The following TSC2 variants were observed in gnomAD, a reference collection of about 807,000 sequenced individuals.
TSC2 encodes tuberin.
In TSC2, 29 loss-of-function variants were observed where a neutral mutation model predicts 202.2. The observed-to-expected ratio is 0.14, with a 90% CI of 0.11 to 0.20. TSC2 has a LOEUF of 0.20. Among genes scored for constraint, TSC2 ranks in the 10% least tolerant of loss-of-function variants. TSC2 has a pLI of 1.00. For synonymous variants in TSC2, 1,349 were observed against 1,044.0 expected, an observed-to-expected ratio of 1.29 and a Z score of -5.63; for missense variants, 2,429 against 2,420.0, an observed-to-expected ratio of 1.00 and a Z score of -0.08.
rs1596401171 is a variant in TSC2 at position 2,081,836 on chromosome 16, C to T, written c.3814+38C>T. ...GCGGGCCTTGGCACGGGCTCTGCTC[C>T]CACTGGCCTGGTGCTCCCGGTGACG... is the stretch of plus-strand genomic sequence containing the variant. On this transcript the variant is annotated intron_variant, in intron 31 of 41. Coordinates refer to ENST00000219476, the MANE Select transcript of TSC2 (RefSeq NM_000548.5). 5.0e-6 allele frequency: 8 copies of T among 1,606,028 alleles called. No individual in the cohort carries two copies. In the African/African-American group the frequency reaches 8.0e-5, roughly 16 times the overall value.
At chr16:2,073,919 C>G (rs2151340178) in intron 21 of TSC2, among the ~76,000 whole-genome samples, 1 of 152,402 alleles carries the variant, frequency 6.6e-6, no homozygotes, top group Non-Finnish European at 1.5e-5. Flanking sequence ...CTGCCCCTTG[C>G]AACAGAGCCA....
Position 2,083,784 on chromosome 16 carries a change from G to A in TSC2, c.3973G>A (p.Gly1325Ser), listed in dbSNP as rs2151513235. ...GTTGGAGGACGTTGAGGCAGCGCTA[G>A]GCATGGACAGGCGCACGGATGCCTA... is the stretch of plus-strand genomic sequence containing the variant. Reference protein sequence around the residue: ...PGLEDVEAALGMDRRTDAYSR... With the variant: ...PGLEDVEAALSMDRRTDAYSR... Residue 1325 changes from glycine (G) to serine (S), a missense_variant, in exon 33 of 42, where the codon GGC (glycine) becomes AGC (serine). Coordinates refer to ENST00000219476, the MANE Select transcript of TSC2 (RefSeq NM_000548.5). 6.2e-7 allele frequency: 1 copy of A among 1,611,578 alleles called. No homozygotes were observed. The highest frequency in any genetic ancestry group is 8.5e-7 in the Non-Finnish European group (1 of 1,179,628).
Position 2,050,433 on chromosome 16 carries a change from A to T in TSC2, c.172A>T (p.Ile58Phe). 2 of 1,613,698 alleles carry T rather than the reference A, an allele frequency of 1.2e-6. No homozygotes were observed. The highest frequency in any genetic ancestry group is 1.7e-6 in the Non-Finnish European group (2 of 1,179,878). ...CATGGAATGTGGCCTCAACAATCGC[A>T]TCCGGATGATAGGGCAGATTTGTGA... is the stretch of plus-strand genomic sequence containing the variant. The part of the protein sequence containing the change: ...LSMECGLNNR[I>F]RMIGQICEVA... The change falls in exon 3 of 42, where the codon ATC becomes TTC. Residue 58 changes from isoleucine to phenylalanine, a missense_variant. By Grantham distance (21) the Ile-to-Phe change is conservative. Coordinates refer to ENST00000219476, the MANE Select transcript of TSC2 (RefSeq NM_000548.5).
rs1305025066 is a variant in TSC2, at chr16:2,088,256, C to T, written c.5190C>T (p.Ser1730=). 2 of 1,595,624 alleles carry T rather than the reference C, an allele frequency of 1.3e-6. No homozygotes were observed. Among genetic ancestry groups the T allele is most frequent in the Non-Finnish European group, 1.7e-6 (2 of 1,173,512 alleles). Residue 1730 remains serine (S), a synonymous_variant, in exon 41 of 42, where the codon TCC becomes TCT. Transcript: ENST00000219476. ...NMASQVHHSR[S]NPTDIYPSKW... ...CCTCACAGGTGCATCATAGCCGCTCCAACCCCACCGATATCTACCCCTCCA... is the reference window on the plus strand; with the variant it reads ...CCTCACAGGTGCATCATAGCCGCTCTAACCCCACCGATATCTACCCCTCCA...
rs1596277822 is a variant in TSC2 at position 2,056,637 on chromosome 16, C to T, written c.649-7C>T. The T allele has an allele frequency of 6.2e-7, 1 of 1,609,362 alleles. No individual in the cohort carries two copies. Among genetic ancestry groups the T allele is most frequent in the East Asian group, 2.2e-5 (1 of 44,882 alleles). On this transcript the variant is annotated splice_region_variant and splice_polypyrimidine_tract_variant and intron_variant, in intron 7 of 41. Coordinates refer to ENST00000219476, the MANE Select transcript of TSC2 (RefSeq NM_000548.5). Reference sequence around the variant, plus strand: ...GGACGGGCGTGAGCCGTCTCCCTCTCCACCAGGTCTCCCTGCAGGTGCTGG... The same window carrying T: ...GGACGGGCGTGAGCCGTCTCCCTCTTCACCAGGTCTCCCTGCAGGTGCTGG...
rs2151438862 is a variant in TSC2, at chr16:2,079,349, G to C, written c.3205G>C (p.Val1069Leu). 1 of 1,613,016 alleles carries C rather than the reference G, an allele frequency of 6.2e-7. No homozygotes were observed. The highest frequency in any genetic ancestry group is 1.1e-5 in the South Asian group (1 of 91,084). ...TWLVGNKLVT[V>L]TTSVGTGTRS... ...GCTGGTTGGGAACAAGCTTGTCACT[G>C]TGACGACAAGCGTGGGAACCGGGAC... The change falls in exon 28 of 42, where the codon GTG becomes CTG. Residue 1069 changes from valine (V) to leucine (L), a missense_variant. Val to Leu is a conservative substitution (Grantham distance 32, BLOSUM62 1). Coordinates refer to ENST00000219476, the MANE Select transcript of TSC2 (RefSeq NM_000548.5). This position sits in a 1 kb window ranked among gnomAD's most constrained non-coding sequence, Gnocchi z 4.6.
Position 2,053,322 on chromosome 16 carries a change from G to T in TSC2, c.226-20G>T, listed in dbSNP as rs753647216. On this transcript the variant is annotated intron_variant, in intron 3 of 41. Transcript: ENST00000219476. ...TCTTGGAGAGCACATCCTCACCGCT[G>T]TCCCCTCTGCTGGTGACAGCACGCA... 2 of 1,563,268 alleles carry T rather than the reference G, an allele frequency of 1.3e-6. No individual in the cohort carries two copies. Among genetic ancestry groups the T allele is most frequent in the Admixed American group, 1.9e-5 (1 of 52,618 alleles).
At chr16:2,059,164 G>A (rs957277609) in intron 10 of TSC2, among the ~76,000 whole-genome samples, 7 of 151,244 alleles carry the variant, frequency 4.6e-5, no homozygotes, top group Non-Finnish European at 8.8e-5. Context: ...GATTACAGGT[G>A]CCTGGTACCA....
In TSC2 at chr16:2,088,253, C is replaced by T. The variant is rs2091133958; in HGVS notation, c.5187C>T (p.Arg1729=). Residue 1729 remains arginine, a synonymous_variant, in exon 41 of 42, where the codon CGC becomes CGT. Coordinates refer to ENST00000219476, the MANE Select transcript of TSC2 (RefSeq NM_000548.5). ...ANMASQVHHS[R]SNPTDIYPSK... Reference sequence around the variant, plus strand: ...TGGCCTCACAGGTGCATCATAGCCGCTCCAACCCCACCGATATCTACCCCT... The same window carrying T: ...TGGCCTCACAGGTGCATCATAGCCGTTCCAACCCCACCGATATCTACCCCT... 3.1e-6 allele frequency: 5 copies of T among 1,598,226 alleles called. No individual in the cohort carries two copies. Among genetic ancestry groups the T allele is most frequent in the Non-Finnish European group, 2.6e-6 (3 of 1,174,364 alleles).
chr16:2,085,790 A>G lies in TSC2; in HGVS notation c.4663-403A>G, dbSNP rs950644110. Among the ~76,000 whole-genome samples the G allele has an allele frequency of 7.7e-4, 117 of 152,222 alleles. 1 individual carries two copies. The highest frequency in any genetic ancestry group is 2.7e-3 in the African/African-American group (111 of 41,452). On this transcript the variant is annotated intron_variant, in intron 36 of 41. Coordinates refer to ENST00000219476, the MANE Select transcript of TSC2 (RefSeq NM_000548.5). ...AGGCTGCACCTTCATCCCAAGGGAAAGGGCAGGGCCTGGGCTGCTTCTGAG... is the reference window on the plus strand; with the variant it reads ...AGGCTGCACCTTCATCCCAAGGGAAGGGGCAGGGCCTGGGCTGCTTCTGAG...
chr16:2,080,443 G>C, intron 30 of TSC2, 66 bp downstream of exon 30: 5 of 1,576,914 alleles, frequency 3.2e-6, no homozygotes, highest in Non-Finnish European at 4.3e-6. Flanking sequence ...TGGACACTCA[G>C]GGGCGATTGC....
intron 5 of TSC2, chr16:2,054,688 C>T (rs889312262): frequency 4.2e-5 from 24 of 576,686 alleles, no homozygotes; most frequent in East Asian, 1.5e-4. Flanking sequence ...TTGGGGCCTC[C>T]GAACACCTCT....
At chr16:2,052,911 C>G (rs2085307862) in intron 3 of TSC2, among the ~76,000 whole-genome samples, 1 of 152,168 alleles carries the variant, frequency 6.6e-6, no homozygotes, top group Non-Finnish European at 1.5e-5. Context: ...GGTGTGTTCA[C>G]TAGAGGAGAG....
At chr16:2,050,587 T>C in intron 3 of TSC2, 101 bp downstream of exon 3, 1 of 896,574 alleles carries the variant, frequency 1.1e-6, no homozygotes, top group Non-Finnish European at 1.8e-6. Flanking sequence ...CTGCCGATGA[T>C]CTGGTTTGCA....
At chr16:2,062,731 C>G (rs1348377968) in intron 13 of TSC2, 131 bp downstream of exon 13, 1 of 1,084,628 alleles carries the variant, frequency 9.2e-7, no homozygotes, top group Non-Finnish European at 1.4e-6. Flanking sequence ...AGCCCTGGCT[C>G]TGGGTGAGCA....
In TSC2 at chr16:2,056,190, C is replaced by T; in HGVS notation, c.600-6C>T. 8 of 1,613,964 alleles carry T rather than the reference C, an allele frequency of 5.0e-6. No homozygotes were observed. The highest frequency in any genetic ancestry group is 6.8e-6 in the Non-Finnish European group (8 of 1,180,038). On this transcript the variant is annotated splice_region_variant and splice_polypyrimidine_tract_variant and intron_variant, in intron 6 of 41. Transcript: ENST00000219476. ...CTGCCGGGACTGAGCTCGGTGCTCC[C>T]TGCAGGATGATCTGTCTGCTGTGCG... is the stretch of plus-strand genomic sequence containing the variant.
At chr16:2,051,575 T>C (rs1290066607) in intron 3 of TSC2, among the ~76,000 whole-genome samples, 3 of 152,024 alleles carry the variant, frequency 2.0e-5, no homozygotes, top group Non-Finnish European at 2.9e-5. Flanking sequence ...GGACAGGAAG[T>C]GGTCATTTTG....
At chr16:2,053,756 GC>G (rs990743568) in intron 4 of TSC2, 1 of 572,398 alleles carries the variant, frequency 1.7e-6, no homozygotes, top group Non-Finnish European at 3.3e-6. Flanking sequence ...CTGGTGTGGG[GC>G]TACGGTGTTG....
rs760056622 is a variant in TSC2, at chr16:2,085,270, T to C, written c.4610T>C (p.Ile1537Thr). Residue 1537 changes from isoleucine to threonine, a missense_variant, in exon 36 of 42, where the codon ATC becomes ACC. Physicochemically the swap from Ile to Thr is moderately conservative, Grantham distance 89. Transcript: ENST00000219476. Reference sequence around the variant, plus strand: ...CGGTCGGTGCAGCTCCTCGACCAGATCCCATCATACGACACCCACAAGATC... The same window carrying C: ...CGGTCGGTGCAGCTCCTCGACCAGACCCCATCATACGACACCCACAAGATC... Reference protein sequence around the residue: ...FERSVQLLDQIPSYDTHKIAV... With the variant: ...FERSVQLLDQTPSYDTHKIAV... The C allele has an allele frequency of 2.6e-5, 42 of 1,612,672 alleles. No individual in the cohort carries two copies. In the South Asian group the frequency reaches 4.2e-4, roughly 16 times the overall value.
Sources: allele counts gnomAD v4.1 joint callset (sites outside exome capture counted in the v4.1 genomes callset), GRCh38; gene constraint gnomAD v4.1.1; non-coding constraint Gnocchi (gnomAD v3.1); transcripts MANE v1.5; gene names NCBI Gene and HGNC (gene_info 2026-07-23, HGNC 2026-07-21).